The following NIPAL3 variants were observed in gnomAD, a reference collection of about 807,000 sequenced individuals.
NIPAL3 encodes the protein NIPA-like protein 3.
A neutral mutation model predicts 47.2 loss-of-function variants in NIPAL3; 41 were observed. The ratio of observed to expected loss-of-function variants is 0.87; its 90% CI spans 0.68 to 1.13. The LOEUF is 1.13. Among genes scored for constraint, NIPAL3 ranks in the 50% most tolerant of loss-of-function variants. The pLI is 0.00. For synonymous variants in NIPAL3, 194 were observed against 209.6 expected, an observed-to-expected ratio of 0.93 and a Z score of 0.64; for missense variants, 449 against 530.1, an observed-to-expected ratio of 0.85 and a Z score of 1.50.
Position 24,460,522 on chromosome 1 carries a change from C to A in NIPAL3, c.904C>A (p.His302Asn). ...GGACTTCATCGGGGAGGACGTGCTG[C>A]ACATCTGCATGTTTGCACTGGGGTG... ...YLDFIGEDVL[H>N]ICMFALGCLI... Residue 302 changes from histidine (H) to asparagine (N), a missense_variant, in exon 10 of 12, where the codon CAC becomes AAC. Transcript: ENST00000374399. The A allele has an allele frequency of 6.3e-7, 1 of 1,583,578 alleles. No individual in the cohort carries two copies. Among genetic ancestry groups the A allele is most frequent in the Non-Finnish European group, 8.6e-7 (1 of 1,168,498 alleles).
At chr1:24,465,688 T>C (rs1646667945) in intron 11 of NIPAL3, 1 of 187,720 alleles carries the variant, frequency 5.3e-6, no homozygotes, top group Non-Finnish European at 1.1e-5. Flanking sequence ...AAATCCCAAC[T>C]CTACCACCTT....
rs1646901081 is a variant in NIPAL3, at chr1:24,471,500, G to C, written c.*2315G>C. 1 of 150,696 alleles carries C rather than the reference G, an allele frequency of 6.6e-6. No individual in the cohort carries two copies. Among genetic ancestry groups the C allele is most frequent in the Non-Finnish European group, 1.5e-5 (1 of 68,094 alleles). The allele number at this position is 150,696 out of a possible 1,614,324, so 9.3% of individuals were successfully genotyped here. On this transcript the variant is annotated 3_prime_UTR_variant, in exon 12 of 12. Coordinates refer to ENST00000374399, the MANE Select transcript of NIPAL3 (RefSeq NM_020448.5). ...GGAGGCTGAGGTGGGAGGATCGCTA[G>C]AGCCCAGAGAGCCAAGGCTACAGTG...
At chr1:24,465,951 C>T (rs1443322835) in intron 11 of NIPAL3, 10 of 1,561,374 alleles carry the variant, frequency 6.4e-6, no homozygotes, top group South Asian at 6.0e-5. Context: ...GGTGCTTTTC[C>T]AGCCACTTGG....
rs142999941 is a variant in NIPAL3 at position 24,442,743 on chromosome 1, G to C, written c.334+517G>C. On this transcript the variant is annotated intron_variant, in intron 4 of 11. Coordinates refer to ENST00000374399, the MANE Select transcript of NIPAL3 (RefSeq NM_020448.5). Reference sequence around the variant, plus strand: ...AAGTGGGAGGATCGCTTGAGGCCAGGAGTTTGAGACCAGCCTGGGCAACAT... The same window carrying C: ...AAGTGGGAGGATCGCTTGAGGCCAGCAGTTTGAGACCAGCCTGGGCAACAT... Among the ~76,000 whole-genome samples, 1,449 of 152,220 alleles carry C rather than the reference G, an allele frequency of 9.5e-3. 24 individuals carry two copies. The highest frequency in any genetic ancestry group is 0.033 in the African/African-American group (1,367 of 41,514).
At chr1:24,445,537 T>C (rs1218035651) in intron 5 of NIPAL3, among the ~76,000 whole-genome samples, 1 of 152,168 alleles carries the variant, frequency 6.6e-6, no homozygotes, top group African/African-American at 2.4e-5. Flanking sequence ...AGAAACCCTC[T>C]CTCCCTGACT....
intron 2 of NIPAL3, among the ~76,000 whole-genome samples, chr1:24,432,821 C>T (rs1208712578): frequency 3.9e-5 from 6 of 152,202 alleles, no homozygotes; most frequent in Non-Finnish European, 7.3e-5. Context: ...TTATCATTGT[C>T]GTCATCATCT....
chr1:24,418,743 G>T (rs890766722), intron 1 of NIPAL3, among the ~76,000 whole-genome samples: 14 of 152,024 alleles, frequency 9.2e-5, no homozygotes, highest in Non-Finnish European at 1.6e-4. Context: ...TCTCTGAGAG[G>T]CAGAGTTACC....
At chr1:24,457,845 C>T (rs750851208) in intron 8 of NIPAL3, 3 of 532,236 alleles carry the variant, frequency 5.6e-6, no homozygotes, top group Non-Finnish European at 7.7e-6. Context: ...TAAACATGAG[C>T]TGCTTCTATG....
At position 24,456,258 on chromosome 1, in the gene NIPAL3, CCG is replaced by C; in HGVS notation, c.759_760del (p.Val254LeufsTer69). On this transcript the variant is annotated frameshift_variant, in exon 8 of 12. Coordinates refer to ENST00000374399, the MANE Select transcript of NIPAL3 (RefSeq NM_020448.5). LOFTEE classifies it high-confidence loss of function. ...ATGTTCGTGTGCATGGTGGCAACCG[CCG>C]TCTATCAGGCTGCGTGAGTTACAAA... 1 of 1,614,256 alleles carries C rather than the reference CCG, an allele frequency of 6.2e-7. No homozygotes were observed.
At chr1:24,437,662 C>T (rs1322627368) in intron 2 of NIPAL3, among the ~76,000 whole-genome samples, 1 of 152,158 alleles carries the variant, frequency 6.6e-6, no homozygotes, top group African/African-American at 2.4e-5. Context: ...CAGGCCTCAC[C>T]TTGGGCTGAA....
At chr1:24,450,326 T>C (rs971939374) in intron 6 of NIPAL3, among the ~76,000 whole-genome samples, 2 of 152,294 alleles carry the variant, frequency 1.3e-5, no homozygotes, top group Middle Eastern at 3.4e-3. Flanking sequence ...TTTCAAACTT[T>C]TATGGTAAGG....
rs1157310106 is a variant in NIPAL3 at position 24,452,000 on chromosome 1, T to C, written c.541-1408T>C. Among the ~76,000 whole-genome samples the C allele has an allele frequency of 6.6e-6, 1 of 152,222 alleles. No individual in the cohort carries two copies. The highest frequency in any genetic ancestry group is 1.5e-5 in the Non-Finnish European group (1 of 68,040). On this transcript the variant is annotated intron_variant, in intron 6 of 11. Transcript: ENST00000374399. The surrounding 1 kb of genome is among the most constrained non-coding windows in gnomAD (Gnocchi z 4.5). ...AAATGAAAGCAGCTGTGTTTTATGG[T>C]CTCTAATTAGAAGGAATGTTTTAAA...
rs528244260 is a variant in NIPAL3, at chr1:24,470,862, C to T, written c.*1677C>T. On this transcript the variant is annotated 3_prime_UTR_variant, in exon 12 of 12. Transcript: ENST00000374399. ...CTAAGGCGGCAATGGGCAGTGGGCC[C>T]CTTTCCCTTAGGATGGGTATCAATT... The T allele has an allele frequency of 1.3e-5, 2 of 152,340 alleles. No individual in the cohort carries two copies. Among genetic ancestry groups the T allele is most frequent in the African/African-American group, 4.8e-5 (2 of 41,558 alleles). The allele number at this position is 152,340 out of a possible 1,614,324, so 9.4% of individuals were successfully genotyped here. A position where few individuals can be genotyped will look rare whatever the true frequency, so the allele number is the denominator to read the frequency against.
At chr1:24,459,997 A>T (rs1334550719) in intron 9 of NIPAL3, among the ~76,000 whole-genome samples, 1 of 152,192 alleles carries the variant, frequency 6.6e-6, no homozygotes, top group Non-Finnish European at 1.5e-5. Context: ...CAGACTTGGG[A>T]TCTACTGGCC....
chr1:24,466,089 A>G (rs1296283817), intron 11 of NIPAL3: 1 of 1,610,776 alleles, frequency 6.2e-7, no homozygotes, highest in Non-Finnish European at 8.5e-7. Flanking sequence ...AGAGCCTTTG[A>G]GTAATTCAAG....
At position 24,440,947 on chromosome 1, in the gene NIPAL3, C is replaced by T. The variant is rs550083731; in HGVS notation, c.162+707C>T. On this transcript the variant is annotated intron_variant, in intron 3 of 11. Transcript: ENST00000374399. ...GTCCCAGTTGCCCACGGGACTAATC[C>T]GCTCATGAATGCACCTTTCATCTCT... Among the ~76,000 whole-genome samples the T allele has an allele frequency of 7.2e-5, 11 of 152,268 alleles. No homozygotes were observed. The East Asian group carries it at 1.4e-3, about 19-fold the overall frequency.
intron 2 of NIPAL3, among the ~76,000 whole-genome samples, chr1:24,422,285 G>A (rs1250665178): frequency 1.3e-5 from 2 of 152,238 alleles, no homozygotes; most frequent in East Asian, 3.9e-4. Flanking sequence ...GGCTCTGTTG[G>A]GAAGGGTATC....
chr1:24,421,186 A>G (rs963546004), intron 2 of NIPAL3, among the ~76,000 whole-genome samples: 2 of 151,806 alleles, frequency 1.3e-5, no homozygotes, highest in African/African-American at 4.8e-5. Flanking sequence ...CAGGTGTGGT[A>G]GGGCACCTAC....
chr1:24,467,644 T>C (rs1383999839), intron 11 of NIPAL3, among the ~76,000 whole-genome samples: 1 of 152,226 alleles, frequency 6.6e-6, no homozygotes, highest in Non-Finnish European at 1.5e-5. Flanking sequence ...GATAGAACTT[T>C]ATAACTATTT....
Sources: allele counts gnomAD v4.1 joint callset (sites outside exome capture counted in the v4.1 genomes callset), GRCh38; gene constraint gnomAD v4.1.1; non-coding constraint Gnocchi (gnomAD v3.1); transcripts MANE v1.5; gene names NCBI Gene and HGNC (gene_info 2026-07-23, HGNC 2026-07-21).